MAPK6: variants seen among roughly 807,000 people sequenced by gnomAD.
The protein encoded by MAPK6 is ERK-3.
MAPK6 carries 19 observed loss-of-function variants against 59.3 expected under a neutral mutation model. That is an observed-to-expected ratio of 0.32 (90% CI 0.22 to 0.47). The LOEUF is 0.47. MAPK6 is among the 20% of genes least tolerant of loss of function. MAPK6 has a pLI of 1.00. For missense variants in MAPK6, 724 were observed against 847.9 expected, an observed-to-expected ratio of 0.85 and a Z score of 1.81; for synonymous variants, 316 against 290.3, an observed-to-expected ratio of 1.09 and a Z score of -0.90.
At chr15:52,002,270 C>G (rs964518749) in intron 2 of MAPK6, among the ~76,000 whole-genome samples, 1 of 152,138 alleles carries the variant, frequency 6.6e-6, no homozygotes, top group African/African-American at 2.4e-5. Context: ...GTATACAATC[C>G]CAGTTCACCA....
intron 4 of MAPK6, among the ~76,000 whole-genome samples, chr15:52,060,144 C>A (rs536042914): frequency 6.6e-6 from 1 of 152,272 alleles, no homozygotes; most frequent in East Asian, 1.9e-4. Context: ...GAGGCTGAGG[C>A]AGGAAGATTC....
At chr15:52,036,067 C>T (rs1184518022) in intron 1 of MAPK6, among the ~76,000 whole-genome samples, 2 of 152,202 alleles carry the variant, frequency 1.3e-5, no homozygotes, top group East Asian at 3.9e-4. Context: ...CTGGAAGAGA[C>T]CATAGAAATC....
rs1166008806 is a variant in MAPK6, at chr15:52,005,855, A to T, written c.-632+1453A>T. 5.3e-5 allele frequency among the ~76,000 whole-genome samples: 8 copies of T among 152,286 alleles called. No individual in the cohort carries two copies. In the East Asian group the frequency reaches 1.5e-3, roughly 29 times the overall value. On this transcript the variant is annotated intron_variant, in intron 3 of 7. Coordinates refer to the MAPK6 transcript ENST00000691380. ...ATCAGAGAGATTCTTCTGGTTTCAC[A>T]GTGGAGCCCCCAAGGATTACTGCTG...
intron 2 of MAPK6, among the ~76,000 whole-genome samples, chr15:51,997,056 T>G (rs1258055469): frequency 1.3e-5 from 2 of 151,950 alleles, no homozygotes; most frequent in African/African-American, 2.4e-5. Context: ...CTCAGCTCAC[T>G]GCAACGTCTG....
At chr15:51,977,335 A>G (rs960182045) in intron 1 of MAPK6, among the ~76,000 whole-genome samples, 5 of 151,692 alleles carry the variant, frequency 3.3e-5, no homozygotes, top group African/African-American at 1.2e-4. Context: ...TCACCAAACT[A>G]TCATTAAATA....
chr15:52,025,296 G>A (rs1006027707), intron 1 of MAPK6, among the ~76,000 whole-genome samples: 6 of 152,118 alleles, frequency 3.9e-5, no homozygotes, highest in African/African-American at 1.2e-4. Flanking sequence ...TGCTCAGCTC[G>A]TTAGTCTTCT....
intron 1 of MAPK6, among the ~76,000 whole-genome samples, chr15:51,976,275 A>G (rs1336387779): frequency 6.6e-6 from 1 of 151,188 alleles, no homozygotes; most frequent in Non-Finnish European, 1.5e-5. Context: ...TCAAAAAAAA[A>G]AAAAAAAAAA....
chr15:52,048,306 C>T (rs1031499528), intron 2 of MAPK6, among the ~76,000 whole-genome samples: 30 of 152,018 alleles, frequency 2.0e-4, no homozygotes, highest in Non-Finnish European at 2.6e-4. Context: ...CCCGCCACCA[C>T]GCCCAGCCCA....
At position 52,045,000 on chromosome 15, in the gene MAPK6, A is replaced by G. The variant is rs375918739; in HGVS notation, c.-631-830A>G. Among the ~76,000 whole-genome samples the G allele has an allele frequency of 2.1e-5, 3 of 146,178 alleles. No homozygotes were observed. In the East Asian group the frequency reaches 6.0e-4, roughly 29 times the overall value. On this transcript the variant is annotated intron_variant, in intron 1 of 5. Transcript: ENST00000261845. Reference sequence around the variant, plus strand: ...AAAACTATTTTGCATGCATATAACTACTTATCTGTTCTCCTATTTTATGAA... The same window carrying G: ...AAAACTATTTTGCATGCATATAACTGCTTATCTGTTCTCCTATTTTATGAA...
At chr15:52,043,741 G>GTTTTTTTTTTTTTT (rs2031503189) in intron 1 of MAPK6, among the ~76,000 whole-genome samples, 1 of 55,622 alleles carries the variant, frequency 1.8e-5, no homozygotes. Context: ...TAAGTTGTTT[G>GTTTTTTTTTTTTTT]ATTTTTTTTT....
chr15:52,016,060 GCGCGCGCGCGCACA>G (rs1351404045), upstream of MAPK6, among the ~76,000 whole-genome samples: 10 of 56,998 alleles, frequency 1.8e-4, no homozygotes, highest in African/African-American at 3.1e-4. Flanking sequence ...CATCGCGCGC[GCGCGCGCGCGCACA>G]CACACACACA....
chr15:52,019,542 G>C (rs2030418258), intron 1 of MAPK6, among the ~76,000 whole-genome samples, 166 bp downstream of exon 1: 1 of 145,938 alleles, frequency 6.9e-6, no homozygotes, highest in South Asian at 2.1e-4. Context: ...GTTTTTGTTC[G>C]GTCTGCCGCC....
At chr15:52,039,322 C>G (rs945518342) in intron 1 of MAPK6, among the ~76,000 whole-genome samples, 11 of 152,094 alleles carry the variant, frequency 7.2e-5, no homozygotes, top group African/African-American at 2.7e-4. Flanking sequence ...TACAGATTTA[C>G]TGTAAGTCAT....
At chr15:51,988,000 A>G (rs1374138521) in intron 2 of MAPK6, among the ~76,000 whole-genome samples, 1 of 152,088 alleles carries the variant, frequency 6.6e-6, no homozygotes, top group Non-Finnish European at 1.5e-5. Context: ...TCCTGACCTC[A>G]GGTAGTCTGC....
upstream of MAPK6, among the ~76,000 whole-genome samples, chr15:52,015,546 C>T (rs1230550501): frequency 6.7e-6 from 1 of 149,264 alleles, no homozygotes; most frequent in Non-Finnish European, 1.5e-5. Flanking sequence ...GGCATGATCT[C>T]GGCTCACTGC....
upstream of MAPK6, among the ~76,000 whole-genome samples, chr15:52,014,925 T>C (rs942928398): frequency 7.9e-5 from 12 of 152,228 alleles, no homozygotes; most frequent in African/African-American, 2.4e-4. Context: ...AAAATGCAAA[T>C]TGTAATCCAC....
chr15:52,032,255 ATC>A (rs2031067297), intron 1 of MAPK6, among the ~76,000 whole-genome samples: 1 of 147,332 alleles, frequency 6.8e-6, no homozygotes, highest in Non-Finnish European at 1.5e-5. Context: ...CAGTGGTGCA[ATC>A]TCGGCTCACT....
intron 2 of MAPK6, among the ~76,000 whole-genome samples, chr15:52,001,946 C>G (rs2057243334): frequency 6.6e-6 from 1 of 152,206 alleles, no homozygotes; most frequent in African/African-American, 2.4e-5. Flanking sequence ...TCTTTCCCAA[C>G]CAGAACCCTG....
At chr15:52,001,155 C>T (rs1047708119) in intron 2 of MAPK6, among the ~76,000 whole-genome samples, 12 of 152,186 alleles carry the variant, frequency 7.9e-5, no homozygotes, top group African/African-American at 2.9e-4. Flanking sequence ...CAGTGTTCAG[C>T]CTCTTGCCTT....
Sources: allele counts gnomAD v4.1 joint callset (sites outside exome capture counted in the v4.1 genomes callset), GRCh38; gene constraint gnomAD v4.1.1; transcripts MANE v1.5; gene names NCBI Gene and HGNC (gene_info 2026-07-23, HGNC 2026-07-21).